FGD4: variants seen among roughly 807,000 people sequenced by gnomAD.
FGD4 encodes FYVE, RhoGEF and PH domain-containing protein 4.
Under a neutral mutation model 102.0 loss-of-function variants are expected in FGD4, and 42 were observed. The observed-to-expected ratio is 0.41, with a 90% confidence interval of 0.32 to 0.53. FGD4 has a LOEUF of 0.53. Ranked by LOEUF, FGD4 falls within the 20% of genes least tolerant of loss-of-function variation. FGD4 has a pLI of 0.21. For synonymous variants in FGD4, 380 were observed against 375.7 expected, an observed-to-expected ratio of 1.01 and a Z score of -0.13; for missense variants, 902 against 1,078.2, an observed-to-expected ratio of 0.84 and a Z score of 2.29.
At chr12:32,567,310 G>T (rs550759670) in intron 2 of FGD4, among the ~76,000 whole-genome samples, 2 of 152,114 alleles carry the variant, frequency 1.3e-5, no homozygotes, top group Non-Finnish European at 2.9e-5. Context: ...ACCAGCCCCG[G>T]ATAGTTGCTA....
chr12:32,514,670 C>A (rs774280159), intron 1 of FGD4, among the ~76,000 whole-genome samples: 4 of 151,880 alleles, frequency 2.6e-5, no homozygotes, highest in African/African-American at 4.8e-5. Flanking sequence ...CACCATCATG[C>A]CTAGCTAATT....
rs1951345035 is a variant in FGD4 at position 32,645,177 on chromosome 12, G to A, written c.*4644G>A. 2 of 152,070 alleles carry A rather than the reference G, an allele frequency of 1.3e-5. No homozygotes were observed. Among genetic ancestry groups the A allele is most frequent in the East Asian group, 3.9e-4 (2 of 5,132 alleles). The allele number at this position is 152,070 out of a possible 1,614,324, so 9.4% of individuals were successfully genotyped here. Reference sequence around the variant, plus strand: ...TAGGTTTGGGAAGAAACTAGTCTGTGGGGACCATTATAAGAGAATCACATT... The same window carrying A: ...TAGGTTTGGGAAGAAACTAGTCTGTAGGGACCATTATAAGAGAATCACATT... On this transcript the variant is annotated 3_prime_UTR_variant, in exon 17 of 17. Transcript: ENST00000534526.
At chr12:32,557,764 A>G (rs961836132) in intron 1 of FGD4, among the ~76,000 whole-genome samples, 1 of 152,230 alleles carries the variant, frequency 6.6e-6, no homozygotes, top group Admixed American at 6.5e-5. Flanking sequence ...AGAGAGTTGT[A>G]AACTATGAGT....
chr12:32,417,185 C>T (rs540441897), intron 1 of FGD4, among the ~76,000 whole-genome samples: 4 of 152,098 alleles, frequency 2.6e-5, no homozygotes, highest in Admixed American at 1.3e-4. Flanking sequence ...TGAGCCACCG[C>T]GCCTGGCCTA....
At chr12:32,409,374 C>A (rs529590473) in intron 1 of FGD4, among the ~76,000 whole-genome samples, 1 of 151,300 alleles carries the variant, frequency 6.6e-6, no homozygotes, top group Non-Finnish European at 1.5e-5. Flanking sequence ...CTGCAACCTC[C>A]GCCTCCCAGG....
intron 1 of FGD4, among the ~76,000 whole-genome samples, chr12:32,441,861 C>T (rs564599227): frequency 9.2e-5 from 14 of 152,206 alleles, no homozygotes; most frequent in African/African-American, 3.1e-4. Context: ...TAAACGCTCC[C>T]TCTGTGGGCA....
chr12:32,521,769 T>C (rs753122531), intron 1 of FGD4, among the ~76,000 whole-genome samples: 12 of 152,216 alleles, frequency 7.9e-5, no homozygotes, highest in Non-Finnish European at 4.4e-5. Flanking sequence ...GCAAATAACA[T>C]TTGCCTCTGC....
intron 1 of FGD4, among the ~76,000 whole-genome samples, chr12:32,460,801 A>G (rs1943083580): frequency 6.6e-6 from 1 of 152,216 alleles, no homozygotes; most frequent in Non-Finnish European, 1.5e-5. Flanking sequence ...AAATATTGCC[A>G]TTTTATAGTC....
intron 1 of FGD4, among the ~76,000 whole-genome samples, chr12:32,453,740 T>G (rs571459351): frequency 3.3e-5 from 5 of 152,296 alleles, no homozygotes; most frequent in African/African-American, 1.2e-4. Context: ...ATTTTTTAGA[T>G]TTTCATTTAT....
chr12:32,480,695 T>G (rs564932214), intron 1 of FGD4, among the ~76,000 whole-genome samples: 1 of 151,684 alleles, frequency 6.6e-6, no homozygotes, highest in African/African-American at 2.4e-5. Flanking sequence ...GAGACGGGGT[T>G]TCACCATGTT....
intron 1 of FGD4, chr12:32,502,014 A>G (rs1938254146): frequency 1.0e-6 from 1 of 985,132 alleles, no homozygotes; most frequent in Admixed American, 6.1e-5. Flanking sequence ...GTGGCTATAT[A>G]TGTTCCTTCC....
intron 11 of FGD4, 122 bp from the exon 12 acceptor site, chr12:32,624,300 A>T: frequency 1.3e-6 from 1 of 756,826 alleles, no homozygotes; most frequent in Non-Finnish European, 2.2e-6. Flanking sequence ...TTTTTGTTAT[A>T]ATTCCTTCCA....
intron 11 of FGD4, among the ~76,000 whole-genome samples, chr12:32,623,360 AT>A (rs968025292): frequency 7.1e-4 from 108 of 151,292 alleles, no homozygotes; most frequent in Admixed American, 1.1e-3. Flanking sequence ...TTTAAAAAAA[AT>A]TTTTTTTTTA....
chr12:32,509,730 CA>C (rs1939168645), intron 1 of FGD4, among the ~76,000 whole-genome samples: 1 of 152,106 alleles, frequency 6.6e-6, no homozygotes, highest in Admixed American at 6.5e-5. Context: ...TCATGGAACC[CA>C]GGGGCAATAA....
At chr12:32,520,430 T>TTTTTTG (rs1671993456) in intron 1 of FGD4, among the ~76,000 whole-genome samples, 1 of 118,356 alleles carries the variant, frequency 8.4e-6, no homozygotes. Flanking sequence ...TGTGGGTTTT[T>TTTTTTG]TTGTTTTTTG....
intron 2 of FGD4, among the ~76,000 whole-genome samples, chr12:32,568,677 G>C (rs1945387084): frequency 6.6e-6 from 1 of 152,108 alleles, no homozygotes; most frequent in Admixed American, 6.6e-5. Context: ...CATAAATATA[G>C]AGTACTTAAA....
At chr12:32,414,058 A>G (rs2450506) in intron 1 of FGD4, among the ~76,000 whole-genome samples, 81,225 of 148,766 alleles carry the variant, frequency 0.55, 22,973 homozygotes, top group African/African-American at 0.72. Flanking sequence ...CGCAACCTCC[A>G]CTTCCTGGGT....
chr12:32,422,734 T>C (rs1406395420), intron 1 of FGD4, among the ~76,000 whole-genome samples: 1 of 152,170 alleles, frequency 6.6e-6, no homozygotes, highest in Admixed American at 6.6e-5. Flanking sequence ...CCCTCCCCCT[T>C]TTCTAAATTA....
chr12:32,511,619 A>G (rs1042125347), intron 1 of FGD4, among the ~76,000 whole-genome samples: 3 of 151,808 alleles, frequency 2.0e-5, no homozygotes, highest in African/African-American at 7.3e-5. Context: ...TGTGATTTTT[A>G]TGTTTTGGTG....
Sources: allele counts gnomAD v4.1 joint callset (sites outside exome capture counted in the v4.1 genomes callset), GRCh38; gene constraint gnomAD v4.1.1; transcripts MANE v1.5; gene names NCBI Gene and HGNC (gene_info 2026-07-23, HGNC 2026-07-21).